The following PREX1 variants were observed in gnomAD, a reference collection of about 807,000 sequenced individuals.
PREX1 encodes the protein phosphatidylinositol-3,4,5-trisphosphate dependent Rac exchange factor 1.
PREX1 carries 41 observed loss-of-function variants against 198.3 expected under a neutral mutation model. The ratio of observed to expected loss-of-function variants is 0.21; its 90% CI spans 0.16 to 0.27. The LOEUF (loss-of-function observed/expected upper bound fraction) is 0.27, where lower values mean the gene tolerates loss of function less well. Ranked by LOEUF, PREX1 falls within the 10% of genes least tolerant of loss-of-function variation. The pLI, the probability that PREX1 is intolerant of heterozygous loss-of-function variation, is 1.00. For synonymous variants in PREX1, 843 were observed against 887.2 expected (o/e 0.95, Z 0.89); for missense variants, 1,620 against 2,200.7 (o/e 0.74, Z 5.28).
At chr20:48,807,113 A>C (rs1386576387) in intron 1 of PREX1, among the ~76,000 whole-genome samples, 1 of 152,210 alleles carries the variant, frequency 6.6e-6, no homozygotes, top group Non-Finnish European at 1.5e-5. Context: ...GTTAGTCTAT[A>C]TTAATTTGAA....
chr20:48,628,793 A>G (rs1349474835), intron 37 of PREX1, among the ~76,000 whole-genome samples: 1 of 152,202 alleles, frequency 6.6e-6, no homozygotes, highest in Admixed American at 6.5e-5. Context: ...CCCGTGAAAC[A>G]TTTATTCAGC....
At chr20:48,699,851 C>G (rs1340343766) in intron 7 of PREX1, among the ~76,000 whole-genome samples, 2 of 152,186 alleles carry the variant, frequency 1.3e-5, no homozygotes, top group African/African-American at 4.8e-5. Context: ...ATGCCCCCAG[C>G]TTTCCATCTA....
intron 1 of PREX1, among the ~76,000 whole-genome samples, chr20:48,826,404 T>C (rs2090509033): frequency 6.6e-6 from 1 of 150,976 alleles, no homozygotes; most frequent in African/African-American, 2.4e-5. Flanking sequence ...CCTTCCTCCC[T>C]CTCACAGAAA....
intron 13 of PREX1, among the ~76,000 whole-genome samples, chr20:48,678,411 A>G (rs1439221435): frequency 6.6e-6 from 1 of 151,962 alleles, no homozygotes; most frequent in Non-Finnish European, 1.5e-5. Flanking sequence ...TTGAGACTGC[A>G]GTGAGCTGTG....
At chr20:48,801,437 G>A (rs774405043) in intron 1 of PREX1, among the ~76,000 whole-genome samples, 10 of 152,214 alleles carry the variant, frequency 6.6e-5, no homozygotes, top group East Asian at 1.9e-4. Context: ...GCCCCACCAC[G>A]CAGAGACACC....
chr20:48,661,755 G>A (rs1391301211), intron 15 of PREX1, among the ~76,000 whole-genome samples: 8 of 151,748 alleles, frequency 5.3e-5, no homozygotes, highest in Middle Eastern at 3.4e-3. Flanking sequence ...TTCATAGACG[G>A]GGAGACTAAG....
intron 30 of PREX1, among the ~76,000 whole-genome samples, chr20:48,638,585 G>C (rs531688713): frequency 6.6e-6 from 1 of 152,336 alleles, no homozygotes; most frequent in African/African-American, 2.4e-5. Flanking sequence ...GCTGGGCAGG[G>C]TAAGAACGAG....
chr20:48,659,284 A>G (rs2089571435), intron 16 of PREX1, among the ~76,000 whole-genome samples: 1 of 130,492 alleles, frequency 7.7e-6, no homozygotes, highest in African/African-American at 2.8e-5. Context: ...GAGAGAGAGA[A>G]AGAAGAAAAG....
chr20:48,697,374 TTTTTC>T (rs1348628390), intron 7 of PREX1, among the ~76,000 whole-genome samples: 1 of 132,570 alleles, frequency 7.5e-6, no homozygotes, highest in Non-Finnish European at 1.5e-5. Context: ...CTGTGTTCTT[TTTTTC>T]TTTTCTTTTT....
intron 1 of PREX1, among the ~76,000 whole-genome samples, chr20:48,801,541 G>A (rs142883202): frequency 2.6e-5 from 4 of 152,286 alleles, no homozygotes; most frequent in East Asian, 1.9e-4. Flanking sequence ...TTTCACCTCC[G>A]TGGATATAGG....
At chr20:48,817,255 C>T (rs1254697426) in intron 1 of PREX1, among the ~76,000 whole-genome samples, 1 of 152,182 alleles carries the variant, frequency 6.6e-6, no homozygotes, top group East Asian at 1.9e-4. Context: ...ACAGCCATCC[C>T]AGTTACTCCC....
chr20:48,632,006 G>A (rs2089317862), intron 35 of PREX1, among the ~76,000 whole-genome samples: 1 of 152,216 alleles, frequency 6.6e-6, no homozygotes. Flanking sequence ...ACAGACCCCA[G>A]TTCAAAGCTC....
chr20:48,656,478 T>G (rs1194964729), intron 18 of PREX1: 2 of 456,734 alleles, frequency 4.4e-6, no homozygotes, highest in East Asian at 1.4e-4. Context: ...TCTCACTCAC[T>G]GCTCCAGCCC....
At chr20:48,859,500 T>A in the PREX1 span, among the ~76,000 whole-genome samples, 1 of 152,148 alleles carries the variant, frequency 6.6e-6, no homozygotes. Flanking sequence ...CCTGTCAGGA[T>A]GACTACTATC....
chr20:48,714,469 A>C (rs1392768156), intron 5 of PREX1, among the ~76,000 whole-genome samples: 2 of 152,262 alleles, frequency 1.3e-5, no homozygotes, highest in Non-Finnish European at 2.9e-5. Context: ...TTGAACAGAC[A>C]TTTCTCCAAA....
At chr20:48,807,526 G>C (rs2090417121) in intron 1 of PREX1, among the ~76,000 whole-genome samples, 3 of 152,262 alleles carry the variant, frequency 2.0e-5, no homozygotes. Context: ...TTTGCCATTA[G>C]AAACAAAACT....
At chr20:48,626,201 T>A (rs6019322) in intron 39 of PREX1, among the ~76,000 whole-genome samples, 1 of 152,036 alleles carries the variant, frequency 6.6e-6, no homozygotes, top group African/African-American at 2.4e-5. Context: ...GGGGGTGGGG[T>A]GCACATTCCA....
chr20:48,628,990 G>A (rs2089293400), intron 37 of PREX1, among the ~76,000 whole-genome samples: 1 of 152,170 alleles, frequency 6.6e-6, no homozygotes, highest in Non-Finnish European at 1.5e-5. Context: ...AGAGGGTTGG[G>A]AGGGCACTGA....
intron 10 of PREX1, among the ~76,000 whole-genome samples, chr20:48,682,497 TCCCAGCACCTA>T (rs1303702549): frequency 6.6e-6 from 1 of 152,228 alleles, no homozygotes; most frequent in African/African-American, 2.4e-5. Context: ...CATGGCACTA[TCCCAGCACCTA>T]CCAGAGGGCC....
Sources: allele counts gnomAD v4.1 joint callset (sites outside exome capture counted in the v4.1 genomes callset), GRCh38; gene constraint gnomAD v4.1.1; transcripts MANE v1.5; gene names NCBI Gene and HGNC (gene_info 2026-07-23, HGNC 2026-07-21).